HDX: variants seen among roughly 807,000 people sequenced by gnomAD.
HDX encodes the protein chromosome X open reading frame 43.
Under a neutral mutation model 45.2 loss-of-function variants are expected in HDX, and 19 were observed. The observed-to-expected ratio is 0.42, with a 90% CI of 0.29 to 0.62. HDX has a LOEUF of 0.62. HDX is among the 20% of genes least tolerant of loss of function. The pLI is 0.20. For synonymous variants in HDX, 188 were observed against 172.8 expected, an observed-to-expected ratio of 1.09 and a Z score of -0.69; for missense variants, 532 against 493.9, an observed-to-expected ratio of 1.08 and a Z score of -0.73.
intron 6 of HDX, among the ~76,000 whole-genome samples, chrX:84,346,506 AGT>A (rs1360463725): frequency 9.0e-6 from 1 of 111,464 alleles, no homozygotes; most frequent in African/African-American, 3.3e-5. Context: ...TGTAATCAAG[AGT>A]GTGTGGTATT....
intron 4 of HDX, among the ~76,000 whole-genome samples, chrX:84,453,101 C>G (rs1035787602): frequency 8.9e-6 from 1 of 112,095 alleles, no homozygotes; most frequent in Non-Finnish European, 1.9e-5. Flanking sequence ...ACGACAGACT[C>G]AAACAACTCA....
At chrX:84,427,101 G>A (rs747818445) in intron 5 of HDX, among the ~76,000 whole-genome samples, 1 of 109,783 alleles carries the variant, frequency 9.1e-6, no homozygotes, top group East Asian at 2.9e-4. Flanking sequence ...AAATATTAAC[G>A]GAATATTGTA....
intron 4 of HDX, among the ~76,000 whole-genome samples, chrX:84,446,380 C>A (rs1168802480): frequency 8.9e-6 from 1 of 111,775 alleles, no homozygotes; most frequent in South Asian, 3.7e-4. Flanking sequence ...CATGCACATT[C>A]AGAGATCAGT....
chrX:84,423,483 C>CAAA (rs538893311), intron 5 of HDX, among the ~76,000 whole-genome samples: 900 of 59,342 alleles, frequency 0.015, 17 homozygotes, highest in African/African-American at 0.043. Flanking sequence ...ACAGAAACAT[C>CAAA]AAAAAAAAAA....
intron 4 of HDX, among the ~76,000 whole-genome samples, chrX:84,447,521 C>T (rs1487011773): frequency 9.0e-6 from 1 of 111,289 alleles, no homozygotes; most frequent in Non-Finnish European, 1.9e-5. Flanking sequence ...GGCCCTGAAA[C>T]TAACAAAGGA....
chrX:84,438,569 A>G (rs935101093), intron 5 of HDX, among the ~76,000 whole-genome samples: 1 of 94,830 alleles, frequency 1.1e-5, no homozygotes, highest in Non-Finnish European at 2.1e-5. Flanking sequence ...AGTGAGCCCC[A>G]GTGTCTGTTG....
At chrX:84,404,144 AGAGAGCT>A (rs1042666862) in intron 5 of HDX, 4 of 112,022 alleles carry the variant, frequency 3.6e-5, no homozygotes, top group Non-Finnish European at 3.8e-5. Context: ...CATTTTAAAA[AGAGAGCT>A]GATCTAAACT....
chrX:84,386,827 C>T (rs1172250614), intron 5 of HDX, among the ~76,000 whole-genome samples: 1 of 111,547 alleles, frequency 9.0e-6, no homozygotes, highest in Non-Finnish European at 1.9e-5. Flanking sequence ...TGGATATTTT[C>T]AGCTCAATTT....
At chrX:84,430,757 T>C (rs2039484369) in intron 5 of HDX, among the ~76,000 whole-genome samples, 2 of 110,750 alleles carry the variant, frequency 1.8e-5, no homozygotes, top group African/African-American at 3.3e-5. Context: ...TTTTGATTAG[T>C]ATTTTCCTCA....
chrX:84,350,515 A>T (rs764057226), intron 6 of HDX, among the ~76,000 whole-genome samples: 1 of 111,536 alleles, frequency 9.0e-6, no homozygotes, highest in South Asian at 3.7e-4. Context: ...GTGATATCTG[A>T]TGTATACACA....
At position 84,326,287 on chromosome X, in the gene HDX, T is replaced by C. The variant is rs1445006268; in HGVS notation, c.1838A>G (p.Lys613Arg). The change falls in exon 10 of 11, where the codon AAA becomes AGA. Residue 613 changes from lysine (K) to arginine (R), a missense_variant. By Grantham distance (26) the Lys-to-Arg change is conservative. Transcript: ENST00000373177. ...AATCTCGAGCTCATTTTCAATGAAT[T>C]TGACTTCTTCATTCTGAAAGAGAAA... Reference protein sequence around the residue: ...SFLDYKNEEVKFIENELEIQK... With the variant: ...SFLDYKNEEVRFIENELEIQK... 5 of 1,188,797 alleles carry C rather than the reference T, an allele frequency of 4.2e-6. 1 individual carries two copies. In the South Asian group the frequency reaches 5.3e-5, roughly 13 times the overall value.
chrX:84,343,733 T>A (rs911381661), intron 7 of HDX, among the ~76,000 whole-genome samples: 1 of 111,550 alleles, frequency 9.0e-6, no homozygotes, highest in African/African-American at 3.3e-5. Context: ...AATATTATTT[T>A]AATTATTTTT....
chrX:84,427,666 TC>T (rs2039414462), intron 5 of HDX, among the ~76,000 whole-genome samples: 1 of 111,443 alleles, frequency 9.0e-6, no homozygotes, highest in Non-Finnish European at 1.9e-5. Context: ...GTAGTTTTTT[TC>T]CTATATAGAA....
At chrX:84,451,204 C>T (rs2039988827) in intron 4 of HDX, among the ~76,000 whole-genome samples, 1 of 110,429 alleles carries the variant, frequency 9.1e-6, no homozygotes, top group Admixed American at 9.6e-5. Context: ...AAAATAGACA[C>T]TAAAAATATA....
chrX:84,444,705 A>C (rs1225009886), intron 4 of HDX, among the ~76,000 whole-genome samples: 1 of 111,561 alleles, frequency 9.0e-6, no homozygotes, highest in African/African-American at 3.2e-5. Context: ...AAAATAATGC[A>C]CTTATTTAGA....
At chrX:84,495,717 A>C (rs1280964904) in intron 1 of HDX, among the ~76,000 whole-genome samples, 2 of 111,947 alleles carry the variant, frequency 1.8e-5, no homozygotes, top group Non-Finnish European at 3.8e-5. Context: ...ACAGAGATCC[A>C]AAGATAGATT....
intron 5 of HDX, among the ~76,000 whole-genome samples, chrX:84,402,345 A>G (rs2038725678): frequency 8.9e-6 from 1 of 112,084 alleles, no homozygotes; most frequent in Non-Finnish European, 1.9e-5. Context: ...GCTTTGTCAA[A>G]CTTACAGTGT....
intron 4 of HDX, among the ~76,000 whole-genome samples, chrX:84,462,698 T>TA (rs201979970): frequency 9.0e-6 from 1 of 111,018 alleles, no homozygotes; most frequent in South Asian, 3.7e-4. Flanking sequence ...AAGAATTTTT[T>TA]AAAAAATTGG....
intron 5 of HDX, among the ~76,000 whole-genome samples, chrX:84,433,339 T>C (rs1190669086): frequency 9.0e-6 from 1 of 111,709 alleles, no homozygotes; most frequent in Non-Finnish European, 1.9e-5. Flanking sequence ...CATTTAGGTA[T>C]TTGATCCATT....
Sources: gnomAD v4.1 joint callset for allele counts (sites outside exome capture counted in the v4.1 genomes callset) on GRCh38, gnomAD v4.1.1 for gene constraint, MANE v1.5 for transcripts, NCBI Gene and HGNC (gene_info 2026-07-23, HGNC 2026-07-21) for gene names.